AFG1L: variants seen among roughly 807,000 people sequenced by gnomAD.
AFG1L encodes the protein AFG1 like ATPase.
In AFG1L, 53 loss-of-function variants were observed where a neutral mutation model predicts 62.2. That is an observed-to-expected ratio of 0.85 (90% CI 0.68 to 1.07). AFG1L has a LOEUF of 1.07. AFG1L is among the 50% of genes least tolerant of loss of function. AFG1L has a pLI of 0.00. For missense variants in AFG1L, 555 were observed against 590.5 expected, an observed-to-expected ratio of 0.94 and a Z score of 0.62; for synonymous variants, 228 against 210.3, an observed-to-expected ratio of 1.08 and a Z score of -0.73.
chr6:108,453,071 C>T lies in AFG1L; in HGVS notation c.890+5775C>T, dbSNP rs141041166. Among the ~76,000 whole-genome samples, 456 of 152,288 alleles carry T rather than the reference C, an allele frequency of 3.0e-3. 1 individual carries two copies. Among genetic ancestry groups the T allele is most frequent in the Non-Finnish European group, 5.0e-3 (337 of 68,030 alleles). ...CAGGGGGCATTTACCGGACATTAGA[C>T]CTTAAAGAACCGGGCTTCCTCCCTT... is the stretch of plus-strand genomic sequence containing the variant. On this transcript the variant is annotated intron_variant, in intron 8 of 12. Transcript: ENST00000368977.
At chr6:108,500,415 A>G (rs1033551721) in intron 10 of AFG1L, among the ~76,000 whole-genome samples, 5 of 152,210 alleles carry the variant, frequency 3.3e-5, no homozygotes, top group Non-Finnish European at 5.9e-5. Context: ...ATCATCTTAT[A>G]TAACCCTGTG....
At chr6:108,330,109 G>C (rs943899001) in intron 2 of AFG1L, among the ~76,000 whole-genome samples, 1 of 151,938 alleles carries the variant, frequency 6.6e-6, no homozygotes, top group Non-Finnish European at 1.5e-5. Context: ...CAGCAAGAAG[G>C]CCCTCACTAG....
At position 108,315,346 on chromosome 6, in the gene AFG1L, G is replaced by A. The variant is rs189211148; in HGVS notation, c.140-8479G>A. Among the ~76,000 whole-genome samples, 24 of 152,210 alleles carry A rather than the reference G, an allele frequency of 1.6e-4. No individual in the cohort carries two copies. In the East Asian group the frequency reaches 4.6e-3, roughly 29 times the overall value. ...GGGATGTTATTGATATTTCTCATGG[G>A]TGACTCCTTTTGGCATTCGGGTGTC... On this transcript the variant is annotated intron_variant, in intron 1 of 12. Transcript: ENST00000368977.
At chr6:108,432,328 C>A (rs1181222148) in intron 7 of AFG1L, among the ~76,000 whole-genome samples, 1 of 152,100 alleles carries the variant, frequency 6.6e-6, no homozygotes, top group Admixed American at 6.6e-5. Flanking sequence ...TTTTCTCAAG[C>A]CCTCTTTAAA....
chr6:108,302,694 T>A (rs1003794606), intron 1 of AFG1L, among the ~76,000 whole-genome samples: 1 of 152,178 alleles, frequency 6.6e-6, no homozygotes, highest in African/African-American at 2.4e-5. Context: ...TTTGATTCCT[T>A]AAAGGAAAGC....
At chr6:108,500,177 T>TGC (rs372998935) in intron 10 of AFG1L, among the ~76,000 whole-genome samples, 1,852 of 147,242 alleles carry the variant, frequency 0.013, 41 homozygotes, top group African/African-American at 0.042. Context: ...CGTGCGTGTG[T>TGC]GTGTGTGTGT....
chr6:108,492,953 C>G (rs1468144665), intron 10 of AFG1L, among the ~76,000 whole-genome samples: 1 of 152,146 alleles, frequency 6.6e-6, no homozygotes, highest in Non-Finnish European at 1.5e-5. Context: ...CACACACACA[C>G]ACACAGAGAG....
chr6:108,442,060 A>G (rs917538562), intron 7 of AFG1L, among the ~76,000 whole-genome samples: 3 of 152,140 alleles, frequency 2.0e-5, no homozygotes, highest in Non-Finnish European at 4.4e-5. Flanking sequence ...CTGTATTGTG[A>G]CACTGTATTT....
chr6:108,297,680 C>T (rs1282455197), intron 1 of AFG1L, among the ~76,000 whole-genome samples: 1 of 151,466 alleles, frequency 6.6e-6, no homozygotes, highest in African/African-American at 2.4e-5. Flanking sequence ...CATGGCAAAA[C>T]CCCCTCTCTA....
intron 7 of AFG1L, among the ~76,000 whole-genome samples, chr6:108,430,234 T>C (rs1053583076): frequency 6.6e-6 from 1 of 152,208 alleles, no homozygotes; most frequent in African/African-American, 2.4e-5. Flanking sequence ...TGTGAGCCAC[T>C]GTGCCCAGTC....
intron 8 of AFG1L, among the ~76,000 whole-genome samples, chr6:108,464,900 C>T (rs1250454077): frequency 6.6e-6 from 1 of 152,164 alleles, no homozygotes; most frequent in Non-Finnish European, 1.5e-5. Context: ...TTTGCATTGT[C>T]TGCACAAAGG....
chr6:108,347,074 A>G (rs1293499891), intron 3 of AFG1L, 35 bp downstream of exon 3: 1 of 1,549,930 alleles, frequency 6.5e-7, no homozygotes, highest in Admixed American at 1.7e-5. Context: ...GGTGGGCAAA[A>G]CAGAAAGTTT....
At chr6:108,362,692 A>G (rs1271336404) in intron 5 of AFG1L, among the ~76,000 whole-genome samples, 2 of 152,226 alleles carry the variant, frequency 1.3e-5, no homozygotes, top group East Asian at 3.8e-4. Context: ...GACCAAGGTC[A>G]CACAACTGGT....
In AFG1L at chr6:108,361,937, G is replaced by T. The variant is rs998370298; in HGVS notation, c.649-4296G>T. Among the ~76,000 whole-genome samples, 4 of 152,114 alleles carry T rather than the reference G, an allele frequency of 2.6e-5. No homozygotes were observed. The South Asian group carries it at 8.3e-4, about 32-fold the overall frequency. On this transcript the variant is annotated intron_variant, in intron 5 of 12. Coordinates refer to ENST00000368977, the MANE Select transcript of AFG1L (RefSeq NM_145315.5). ...TATTGTTTATCTGTATTCCCAGAATGTAAACTTGAAGGCATGAATCTTTAT... is the reference window on the plus strand; with the variant it reads ...TATTGTTTATCTGTATTCCCAGAATTTAAACTTGAAGGCATGAATCTTTAT...
intron 10 of AFG1L, among the ~76,000 whole-genome samples, chr6:108,504,114 T>C (rs1774305158): frequency 1.3e-5 from 2 of 152,256 alleles, no homozygotes; most frequent in African/African-American, 4.8e-5. Context: ...TTTACTTTCT[T>C]ATAGTTTGTG....
In AFG1L at chr6:108,459,412, G is replaced by A. The variant is rs184522700; in HGVS notation, c.890+12116G>A. Among the ~76,000 whole-genome samples, 26 of 152,230 alleles carry A rather than the reference G, an allele frequency of 1.7e-4. No individual in the cohort carries two copies. The East Asian group carries it at 3.3e-3, about 19-fold the overall frequency. ...ATTTGTTTCCCTTTCCCTGGGGATC[G>A]CTGTACTGTGCTTTTTGTTATCCAG... On this transcript the variant is annotated intron_variant, in intron 8 of 12. Coordinates refer to ENST00000368977, the MANE Select transcript of AFG1L (RefSeq NM_145315.5).
intron 6 of AFG1L, among the ~76,000 whole-genome samples, chr6:108,366,727 A>G (rs1779778630): frequency 6.6e-6 from 1 of 152,202 alleles, no homozygotes. Context: ...GCTTGCATGA[A>G]TAGTTTCTAA....
At chr6:108,496,656 C>T (rs1034817840) in intron 10 of AFG1L, among the ~76,000 whole-genome samples, 1 of 152,014 alleles carries the variant, frequency 6.6e-6, no homozygotes, top group Non-Finnish European at 1.5e-5. Flanking sequence ...TGTTGTTTTT[C>T]TACATCATTA....
At chr6:108,413,732 C>T (rs1782221464) in intron 7 of AFG1L, among the ~76,000 whole-genome samples, 1 of 151,968 alleles carries the variant, frequency 6.6e-6, no homozygotes, top group South Asian at 2.1e-4. Context: ...AGAACAAAGA[C>T]ACAACATACC....
Sources: gnomAD v4.1 joint callset for allele counts (sites outside exome capture counted in the v4.1 genomes callset) on GRCh38, gnomAD v4.1.1 for gene constraint, MANE v1.5 for transcripts, NCBI Gene and HGNC (gene_info 2026-07-23, HGNC 2026-07-21) for gene names.